KMT2D: variants seen among roughly 807,000 people sequenced by gnomAD.
KMT2D encodes the protein lysine methyltransferase 2D, also known as histone-lysine N-methyltransferase 2D.
Under a neutral mutation model 512.7 loss-of-function variants are expected in KMT2D, and 55 were observed. The observed-to-expected ratio is 0.11, with a 90% CI of 0.09 to 0.13. The LOEUF (loss-of-function observed/expected upper bound fraction) is 0.13. KMT2D is among the 10% of genes least tolerant of loss of function. The pLI is 1.00. For synonymous variants in KMT2D, 2,995 were observed against 2,904.0 expected (o/e 1.03, Z -1.01); for missense variants, 6,061 against 7,127.9 (o/e 0.85, Z 5.39).
In KMT2D at chr12:49,044,282, T is replaced by C. The variant is rs1014197173; in HGVS notation, c.5106A>G (p.Arg1702=). Residue 1702 remains arginine (R), a synonymous_variant, in exon 22 of 55, where the codon CGA becomes CGG. Coordinates refer to ENST00000301067, the MANE Select transcript of KMT2D (RefSeq NM_003482.4). The surrounding 1 kb of genome is among the most constrained non-coding windows in gnomAD (Gnocchi z 6.4). ...TCGTGCGTGTGTGGGATTTCCGCTGTCGCACCATGAAACCACCAATGCCTA... is the reference window on the plus strand; with the variant it reads ...TCGTGCGTGTGTGGGATTTCCGCTGCCGCACCATGAAACCACCAATGCCTA... The part of the protein sequence containing the change: ...YRPGIGGFMV[R]QRKSHTRTKK... 6.8e-6 allele frequency: 11 copies of C among 1,613,722 alleles called. No homozygotes were observed. In the South Asian group the frequency reaches 7.7e-5, roughly 11 times the overall value.
intron 9 of KMT2D, 64 bp downstream of exon 9, chr12:49,052,851 G>A: frequency 6.2e-7 from 1 of 1,602,904 alleles, no homozygotes. Flanking sequence ...AATTTAACAA[G>A]GCCCCTGCCA....
intron 54 of KMT2D, 55 bp from the exon 55 acceptor site, chr12:49,021,927 C>A (rs1942346337): frequency 2.5e-6 from 4 of 1,568,704 alleles, no homozygotes; most frequent in Non-Finnish European, 3.5e-6. Flanking sequence ...AGAGGGGAGG[C>A]CAGAGAAGAT....
chr12:49,052,292 G>T lies in KMT2D; in HGVS notation c.1391C>A (p.Ala464Glu). ...EESPTSPPPE[A>E]SRLSPPPEEL... ...CTCAGGTGGTGGTGACAGGCGTGAT[G>T]CCTCAGGTGGTGGGGACGTGGGTGA... The change falls in exon 11 of 55, where the codon GCA becomes GAA. Residue 464 changes from alanine (A) to glutamate (E), a missense_variant. Coordinates refer to ENST00000301067, the MANE Select transcript of KMT2D (RefSeq NM_003482.4). 3 of 1,595,106 alleles carry T rather than the reference G, an allele frequency of 1.9e-6. No individual in the cohort carries two copies. The highest frequency in any genetic ancestry group is 2.6e-6 in the Non-Finnish European group (3 of 1,169,352).
At position 49,033,927 on chromosome 12, in the gene KMT2D, GC is replaced by G. The variant is rs1592122640; in HGVS notation, c.10777del (p.Ala3593GlnfsTer65). On this transcript the variant is annotated frameshift_variant, in exon 40 of 55. Transcript: ENST00000301067. LOFTEE classifies it high-confidence loss of function. ...KQQKEHTNLM[A>X]EYRNKQQQQQ... is the part of the protein sequence containing the mutation. Reference sequence around the variant, plus strand: ...TTGCTGCTGCTTGTTCCGATATTCTGCCATGAGATTAGTGTGCTCCTTCTGC... The same window carrying G: ...TTGCTGCTGCTTGTTCCGATATTCTGCATGAGATTAGTGTGCTCCTTCTGC... 6.5e-7 allele frequency: 1 copy of G among 1,534,908 alleles called. No homozygotes were observed.
At position 49,033,872 on chromosome 12, in the gene KMT2D, TTGCTGTTGTTGCTGCTGCTGC is replaced by T. The variant is rs772217807; in HGVS notation, c.10812_10832del (p.Gln3606_Gln3612del). The T allele has an allele frequency of 7.1e-6, 11 of 1,550,918 alleles. No individual in the cohort carries two copies. The highest frequency in any genetic ancestry group is 2.0e-5 in the Admixed American group (1 of 50,660). On this transcript the variant is annotated inframe_deletion, in exon 40 of 55. Transcript: ENST00000301067. ...TGAGAGCCAGCACAGCTGAGTGCTGTTGCTGTTGTTGCTGCTGCTGCTGCTGTTGTTGCTGCTGCTTGTTCC... is the reference window on the plus strand; with the variant it reads ...TGAGAGCCAGCACAGCTGAGTGCTGTTGCTGTTGTTGCTGCTGCTTGTTCC...
intron 51 of KMT2D, 135 bp from the exon 52 acceptor site, chr12:49,023,010 A>C (rs537524299): frequency 3.4e-5 from 34 of 988,286 alleles, no homozygotes; most frequent in Non-Finnish European, 4.3e-5. Flanking sequence ...CTGGAAGTGC[A>C]GCCTTGGGAA....
Position 49,041,571 on chromosome 12 carries a change from G to A in KMT2D, c.6235-36C>T, listed in dbSNP as rs2120549027. On this transcript the variant is annotated intron_variant, in intron 31 of 54. Coordinates refer to ENST00000301067, the MANE Select transcript of KMT2D (RefSeq NM_003482.4). The surrounding 1 kb of genome is among the most constrained non-coding windows in gnomAD (Gnocchi z 5.4). The stretch of plus-strand genomic sequence containing the variant: ...AGACCAGGCATAGGGCAGTCAGGCT[G>A]CTGCAGGCAGGCCCCATGGCCCTCC... The A allele has an allele frequency of 6.2e-7, 1 of 1,612,662 alleles. No homozygotes were observed. The highest frequency in any genetic ancestry group is 8.5e-7 in the Non-Finnish European group (1 of 1,179,196).
rs1937924864 is a variant in KMT2D, at chr12:49,050,790, T to G, written c.2798A>C (p.Asp933Ala). 6.3e-7 allele frequency: 1 copy of G among 1,596,632 alleles called. No homozygotes were observed. Among genetic ancestry groups the G allele is most frequent in the African/African-American group, 1.3e-5 (1 of 74,134 alleles). The change falls in exon 12 of 55, where the codon GAT becomes GCT. Residue 933 changes from aspartate to alanine, a missense_variant and splice_region_variant. Transcript: ENST00000301067. ...PSLSPQLMPPDPLPPPLSPII... is the reference protein window; with the variant it reads ...PSLSPQLMPPAPLPPPLSPII... ...GGGTGAGAGTGGAGGAGGAAGGGGA[T>G]CTGGAAGGAAAGAGAAAAAAGAAGG...
chr12:49,055,245 T>A, intron 2 of KMT2D, 31 bp downstream of exon 2: 1 of 1,612,856 alleles, frequency 6.2e-7, no homozygotes. Flanking sequence ...CAATGAAATC[T>A]AAAAGCAAAC....
intron 40 of KMT2D, 43 bp downstream of exon 40, chr12:49,031,132 C>T (rs1260835164): frequency 6.2e-7 from 1 of 1,608,764 alleles, no homozygotes; most frequent in Non-Finnish European, 8.5e-7. Flanking sequence ...CCCGCTGGCT[C>T]TAGGACCCAC....
rs2120361834 is a variant in KMT2D, at chr12:49,026,701, G to T, written c.15265C>A (p.Leu5089Ile). Residue 5089 changes from leucine to isoleucine, a missense_variant, in exon 49 of 55, where the codon CTA becomes ATA. Leu to Ile is a conservative substitution (Grantham distance 5). This residue lies in a region of KMT2D where 261 missense variants were observed against 440.7 expected (regional missense o/e 0.59). Coordinates refer to ENST00000301067, the MANE Select transcript of KMT2D (RefSeq NM_003482.4). The surrounding 1 kb of genome is among the most constrained non-coding windows in gnomAD (Gnocchi z 9.6). Reference sequence around the variant, plus strand: ...CGCTGGCACAGGGAGCACTTGGTTAGCAGTCCTCGGTGCAGGGCAACCTCC... The same window carrying T: ...CGCTGGCACAGGGAGCACTTGGTTATCAGTCCTCGGTGCAGGGCAACCTCC... ...NVEVALHRGLLTKCSLCQRTG... is the reference protein window; with the variant it reads ...NVEVALHRGLITKCSLCQRTG... 6.2e-7 allele frequency: 1 copy of T among 1,614,024 alleles called. No individual in the cohort carries two copies. Among genetic ancestry groups the T allele is most frequent in the Non-Finnish European group, 8.5e-7 (1 of 1,179,908 alleles).
At position 49,042,587 on chromosome 12, in the gene KMT2D, G is replaced by C. The variant is rs1487441721; in HGVS notation, c.5841C>G (p.Leu1947=). 1 of 1,613,888 alleles carries C rather than the reference G, an allele frequency of 6.2e-7. No individual in the cohort carries two copies. The highest frequency in any genetic ancestry group is 8.5e-7 in the Non-Finnish European group (1 of 1,179,808). The stretch of plus-strand genomic sequence containing the variant: ...TAGAATCCAGGAACGGGGACTGGCA[G>C]AGGCCTGGGTAGGAGTCCATTGGGC... ...SSSPMDSYPG[L]CQSPFLDSRE... The change falls in exon 28 of 55, where the codon CTC becomes CTG. Residue 1947 remains leucine (L), a synonymous_variant. Coordinates refer to ENST00000301067, the MANE Select transcript of KMT2D (RefSeq NM_003482.4). The surrounding 1 kb of genome is among the most constrained non-coding windows in gnomAD (Gnocchi z 4.4).
chr12:49,043,071 C>T lies in KMT2D; in HGVS notation c.5644+5G>A. 6.2e-7 allele frequency: 1 copy of T among 1,611,056 alleles called. No individual in the cohort carries two copies. Among genetic ancestry groups the T allele is most frequent in the Non-Finnish European group, 8.5e-7 (1 of 1,177,196 alleles). ...TACACAAAGAGGTACGGGTCACAGC[C>T]TCACCTTCTGTGGAAATCCTGTCTA... On this transcript the variant is annotated splice_donor_5th_base_variant and intron_variant, in intron 26 of 54. Coordinates refer to ENST00000301067, the MANE Select transcript of KMT2D (RefSeq NM_003482.4).
Position 49,049,070 on chromosome 12 carries a change from T to C in KMT2D, c.4020+35A>G, listed in dbSNP as rs778842565. The C allele has an allele frequency of 1.0e-5, 14 of 1,340,532 alleles. 1 individual carries two copies. The highest frequency in any genetic ancestry group is 3.6e-5 in the South Asian group (3 of 82,452). 83.0% of individuals were successfully genotyped at this position (1,340,532 alleles called of 1,614,324 possible). The stretch of plus-strand genomic sequence containing the variant: ...GGACTCAGAGGGTGCTAAAGCATGG[T>C]TGGGGGATGGGAGGAATAGGAGGCA... On this transcript the variant is annotated intron_variant, in intron 13 of 54. Coordinates refer to ENST00000301067, the MANE Select transcript of KMT2D (RefSeq NM_003482.4).
In KMT2D at chr12:49,050,978, T is replaced by A. The variant is rs2120661086; in HGVS notation, c.2705A>T (p.Glu902Val). ...SPLLGEPALSEPGEPPLSPLP... is the reference protein window; with the variant it reads ...SPLLGEPALSVPGEPPLSPLP... ...AGGGGACAGAGGTGGTTCCCCAGGC[T>A]CAGACAGGGCTGGCTCTCCAAGCAA... The change falls in exon 11 of 55, where the codon GAG becomes GTG. Residue 902 changes from glutamate to valine, a missense_variant. By Grantham distance (121) the Glu-to-Val change is moderately radical. Around this residue, in one of 16 missense-constraint regions of KMT2D, gnomAD observed 848 missense variants for 838.5 expected, o/e 1.01. Coordinates refer to ENST00000301067, the MANE Select transcript of KMT2D (RefSeq NM_003482.4). 6.4e-7 allele frequency: 1 copy of A among 1,564,112 alleles called. No homozygotes were observed.
At position 49,042,214 on chromosome 12, in the gene KMT2D, C is replaced by T; in HGVS notation, c.5984G>A (p.Gly1995Glu). Residue 1995 changes from glycine (G) to glutamate (E), a missense_variant, in exon 29 of 55, where the codon GGA (glycine) becomes GAA (glutamate). Gly to Glu is a moderately conservative substitution (Grantham distance 98). Transcript: ENST00000301067. The surrounding 1 kb of genome is among the most constrained non-coding windows in gnomAD (Gnocchi z 4.4). ...AAGACTCCGCTGGTTATAGGAGAGTCCGTCGCCCTCACCCTCCGTGGTGGG... is the reference window on the plus strand; with the variant it reads ...AAGACTCCGCTGGTTATAGGAGAGTTCGTCGCCCTCACCCTCCGTGGTGGG... ...TTPTTEGEGD[G>E]LSYNQRSLQR... 1 of 1,602,836 alleles carries T rather than the reference C, an allele frequency of 6.2e-7. No homozygotes were observed. Among genetic ancestry groups the T allele is most frequent in the Non-Finnish European group, 8.5e-7 (1 of 1,174,944 alleles).
At chr12:49,025,604 A>T (rs144072194) in intron 49 of KMT2D, among the ~76,000 whole-genome samples, 74 of 152,340 alleles carry the variant, frequency 4.9e-4, no homozygotes, top group Admixed American at 1.4e-3. Context: ...CTCAGAATGT[A>T]TCCCTGTCAT....
chr12:49,027,306 T>C lies in KMT2D; in HGVS notation c.14660A>G (p.Glu4887Gly), dbSNP rs2120371387. ...SLLKQESPAPEPPTQHSYTYN... is the reference protein window; with the variant it reads ...SLLKQESPAPGPPTQHSYTYN... ...GGTATAGCTGTGCTGAGTGGGTGGC[T>C]CTGGGGCGGGGCTCTCCTGTAGGAG... is the stretch of plus-strand genomic sequence containing the variant. Residue 4887 changes from glutamate (E) to glycine (G), a missense_variant, in exon 49 of 55, where the codon GAG becomes GGG. By Grantham distance (98) the Glu-to-Gly change is moderately conservative (BLOSUM62 -2). Transcript: ENST00000301067. The C allele has an allele frequency of 1.3e-6, 2 of 1,528,100 alleles. No individual in the cohort carries two copies. The highest frequency in any genetic ancestry group is 1.8e-6 in the Non-Finnish European group (2 of 1,140,918). 94.7% of individuals were successfully genotyped at this position (1,528,100 alleles called of 1,614,324 possible).
rs753412336 is a variant in KMT2D at position 49,051,968 on chromosome 12, A to G, written c.1715T>C (p.Leu572Pro). 2.5e-6 allele frequency: 4 copies of G among 1,613,244 alleles called. No homozygotes were observed. ...GGGTGACTCCTCAGGTGGTGGAGAC[A>G]GGCGAGATGCTTCAGGTGGCGGGGA... ...PTSPPPEASR[L>P]SPPPEESPMS... Residue 572 changes from leucine to proline, a missense_variant, in exon 11 of 55, where the codon CTG becomes CCG. Physicochemically the swap from Leu to Pro is moderately conservative, Grantham distance 98. Transcript: ENST00000301067.
Sources: gnomAD v4.1 joint callset for allele counts (sites outside exome capture counted in the v4.1 genomes callset) on GRCh38, gnomAD v4.1.1 for gene constraint, gnomAD v4.1.1 regional missense constraint, Gnocchi (gnomAD v3.1) non-coding constraint, MANE v1.5 for transcripts, NCBI Gene and HGNC (gene_info 2026-07-23, HGNC 2026-07-21) for gene names.